SRRM3: variants seen among roughly 807,000 people sequenced by gnomAD.
The protein encoded by SRRM3 is serine/arginine repetitive matrix protein 3.
A neutral mutation model predicts 66.2 loss-of-function variants in SRRM3; 27 were observed. The observed-to-expected ratio is 0.41, with a 90% CI of 0.30 to 0.56. The LOEUF is 0.56. Among genes scored for constraint, SRRM3 ranks in the 20% least tolerant of loss-of-function variants. The pLI, the probability that SRRM3 is intolerant of heterozygous loss-of-function variation, is 0.32. For missense variants in SRRM3, 918 were observed against 991.9 expected, an observed-to-expected ratio of 0.93 and a Z score of 1.00; for synonymous variants, 391 against 414.9, an observed-to-expected ratio of 0.94 and a Z score of 0.70.
At chr7:76,242,136 ACTAAT>A (rs1801314150) in intron 2 of SRRM3, among the ~76,000 whole-genome samples, 1 of 152,116 alleles carries the variant, frequency 6.6e-6, no homozygotes, top group East Asian at 1.9e-4. Flanking sequence ...TCTTTCCTAA[ACTAAT>A]AGAGCAGCAG....
At chr7:76,276,176 C>G (rs1554611114) in intron 11 of SRRM3, among the ~76,000 whole-genome samples, 1 of 152,106 alleles carries the variant, frequency 6.6e-6, no homozygotes, top group Non-Finnish European at 1.5e-5. Context: ...GAACAGGGCT[C>G]AGAGGCAGGC....
At chr7:76,249,684 C>T (rs75574856) in intron 3 of SRRM3, among the ~76,000 whole-genome samples, 2,441 of 152,334 alleles carry the variant, frequency 0.016, 28 homozygotes, top group Middle Eastern at 0.027. Flanking sequence ...TGAATCCACT[C>T]AGATGAGCCT....
At chr7:76,227,915 G>T (rs1332716536) in intron 1 of SRRM3, among the ~76,000 whole-genome samples, 2 of 152,118 alleles carry the variant, frequency 1.3e-5, no homozygotes, top group Non-Finnish European at 2.9e-5. Context: ...TGTCACCCAG[G>T]CTGAAGTGCA....
intron 3 of SRRM3, among the ~76,000 whole-genome samples, chr7:76,252,523 T>C (rs1248934044): frequency 1.3e-5 from 2 of 152,270 alleles, no homozygotes; most frequent in East Asian, 3.9e-4. Flanking sequence ...GGTTTTGCCA[T>C]GTTGGCCAGG....
chr7:76,250,376 C>A (rs1053671196), intron 3 of SRRM3, among the ~76,000 whole-genome samples: 8 of 152,138 alleles, frequency 5.3e-5, no homozygotes, highest in African/African-American at 1.9e-4. Flanking sequence ...GGATTGCAGG[C>A]GCCCACCATG....
At position 76,285,725 on chromosome 7, in the gene SRRM3, A is replaced by G; in HGVS notation, c.1844A>G (p.His615Arg). 6.4e-7 allele frequency: 1 copy of G among 1,550,634 alleles called. No individual in the cohort carries two copies. Among genetic ancestry groups the G allele is most frequent in the East Asian group, 2.4e-5 (1 of 40,916 alleles). Residue 615 changes from histidine (H) to arginine (R), a missense_variant, in exon 15 of 15, where the codon CAC becomes CGC. His to Arg is a conservative substitution (Grantham distance 29). Transcript: ENST00000611745. The surrounding 1 kb of genome is among the most constrained non-coding windows in gnomAD (Gnocchi z 4.1). The part of the protein sequence containing the change: ...RSHSRSPSPG[H>R]SHGSYSSRSH... ...CACAGCCGCAGCCCCAGCCCCGGCC[A>G]CAGCCACGGGAGCTACAGCAGTCGC...
chr7:76,277,197 G>A (rs1802370765), intron 11 of SRRM3, among the ~76,000 whole-genome samples: 1 of 152,192 alleles, frequency 6.6e-6, no homozygotes, highest in South Asian at 2.1e-4. Flanking sequence ...GGACTTGGGG[G>A]CTTGGACCTT....
chr7:76,231,335 A>G lies in SRRM3; in HGVS notation c.-39-3693A>G, dbSNP rs573536271. 4.6e-5 allele frequency among the ~76,000 whole-genome samples: 7 copies of G among 152,158 alleles called. No individual in the cohort carries two copies. In the East Asian group the frequency reaches 1.4e-3, roughly 29 times the overall value. ...TCACATAGCTCTCCTTTCCTCCTCA[A>G]TCATTTCTGCAACGATTACCCTGGG... is the stretch of plus-strand genomic sequence containing the variant. On this transcript the variant is annotated intron_variant, in intron 1 of 14. Transcript: ENST00000611745.
chr7:76,204,879 C>T (rs967820172), intron 1 of SRRM3, among the ~76,000 whole-genome samples: 39 of 152,226 alleles, frequency 2.6e-4, no homozygotes, highest in Admixed American at 2.3e-3. Flanking sequence ...TCAAGACCAG[C>T]CTGGGCAACA....
chr7:76,261,017 A>G, intron 6 of SRRM3, 114 bp downstream of exon 6: 1 of 1,150,926 alleles, frequency 8.7e-7, no homozygotes, highest in Non-Finnish European at 1.2e-6. Context: ...CTGCACCTGG[A>G]CACTGCCAAG....
rs1802513695 is a variant in SRRM3, at chr7:76,281,681, C to T, written c.1249C>T (p.Arg417Trp). The T allele has an allele frequency of 9.8e-7, 1 of 1,015,606 alleles. No individual in the cohort carries two copies. Among genetic ancestry groups the T allele is most frequent in the Middle Eastern group, 4.8e-4 (1 of 2,068 alleles). 62.9% of individuals were successfully genotyped at this position (1,015,606 alleles called of 1,614,324 possible). A position where few individuals can be genotyped will look rare whatever the true frequency, so the allele number is the denominator to read the frequency against. ...CCGGCGCCCCCGGCCCGCGCCCCCC[C>T]GGGGCTCGTCGCGCTCGCTCAGCAG... ...GRRRPRPAPP[R>W]GSSRSLSRAR... The change falls in exon 12 of 15, where the codon CGG (arginine) becomes TGG (tryptophan). Residue 417 changes from arginine to tryptophan, a missense_variant. Coordinates refer to ENST00000611745, the MANE Select transcript of SRRM3 (RefSeq NM_001110199.3).
intron 8 of SRRM3, among the ~76,000 whole-genome samples, chr7:76,261,954 G>A (rs1243638590): frequency 6.6e-6 from 1 of 151,682 alleles, no homozygotes; most frequent in African/African-American, 2.4e-5. Context: ...AGCTGGGAGG[G>A]CTCCATGGAT....
intron 2 of SRRM3, among the ~76,000 whole-genome samples, chr7:76,240,751 T>G (rs1801274339): frequency 6.6e-6 from 1 of 152,092 alleles, no homozygotes; most frequent in South Asian, 2.1e-4. Flanking sequence ...GCCCTTCCCT[T>G]ATGGCCCATA....
At chr7:76,224,479 T>C (rs1186672184) in intron 1 of SRRM3, among the ~76,000 whole-genome samples, 1 of 120,822 alleles carries the variant, frequency 8.3e-6, no homozygotes, top group Non-Finnish European at 1.6e-5. Flanking sequence ...GTCTCTTTTT[T>C]GCTCCTGCAG....
chr7:76,223,426 T>G (rs1800773464), intron 1 of SRRM3, among the ~76,000 whole-genome samples: 1 of 152,214 alleles, frequency 6.6e-6, no homozygotes, highest in East Asian at 1.9e-4. Context: ...TGCACCTGGC[T>G]TCAATGCCAG....
At chr7:76,283,663 TG>T in intron 14 of SRRM3, 2 of 612,582 alleles carry the variant, frequency 3.3e-6, no homozygotes, top group Non-Finnish European at 2.7e-6. Context: ...CTCACTAACC[TG>T]GGGGATTTGG....
chr7:76,232,550 TGACA>T (rs1257118308), intron 1 of SRRM3, among the ~76,000 whole-genome samples: 1 of 149,672 alleles, frequency 6.7e-6, no homozygotes, highest in Non-Finnish European at 1.5e-5. Context: ...CCAGCCTGGG[TGACA>T]GAGTGAGACT....
intron 2 of SRRM3, among the ~76,000 whole-genome samples, chr7:76,238,968 C>T (rs1374958840): frequency 6.6e-6 from 1 of 151,884 alleles, no homozygotes; most frequent in Non-Finnish European, 1.5e-5. Flanking sequence ...AGACGCCATG[C>T]CTCTTCTTGT....
intron 3 of SRRM3, among the ~76,000 whole-genome samples, chr7:76,249,947 G>A (rs913562153): frequency 2.0e-5 from 3 of 152,002 alleles, no homozygotes; most frequent in Non-Finnish European, 4.4e-5. Context: ...CAAAAATGGA[G>A]TTAATTATAT....
Sources: gnomAD v4.1 joint callset for allele counts (sites outside exome capture counted in the v4.1 genomes callset) on GRCh38, gnomAD v4.1.1 for gene constraint, Gnocchi (gnomAD v3.1) non-coding constraint, MANE v1.5 for transcripts, NCBI Gene and HGNC (gene_info 2026-07-23, HGNC 2026-07-21) for gene names.